The following DOCK4 variants were observed in gnomAD, a reference collection of about 807,000 sequenced individuals.
The protein encoded by DOCK4 is dedicator of cytokinesis protein 4.
DOCK4 carries 97 observed loss-of-function variants against 268.1 expected under a neutral mutation model. That is an observed-to-expected ratio of 0.36 (90% confidence interval 0.31 to 0.43). The LOEUF (loss-of-function observed/expected upper bound fraction) is 0.43. DOCK4 is among the 20% of genes least tolerant of loss of function. The probability of loss-of-function intolerance (pLI) is 1.00; values close to 1 mark genes in which losing one functional copy is unlikely to be tolerated. For missense variants in DOCK4, 2,145 were observed against 2,455.7 expected, an observed-to-expected ratio of 0.87 and a Z score of 2.67; for synonymous variants, 954 against 887.2, an observed-to-expected ratio of 1.08 and a Z score of -1.34.
chr7:111,747,569 G>C, intron 42 of DOCK4, 126 bp from the exon 43 acceptor site: 1 of 904,360 alleles, frequency 1.1e-6, no homozygotes, highest in South Asian at 1.8e-5. Flanking sequence ...TCTACCAGGG[G>C]CCATTCCGTA....
chr7:111,761,198 G>A (rs1457714185), intron 39 of DOCK4, among the ~76,000 whole-genome samples: 1 of 151,864 alleles, frequency 6.6e-6, no homozygotes, highest in Non-Finnish European at 1.5e-5. Flanking sequence ...TAGCTAGAAT[G>A]ACAGGTGTGC....
In DOCK4 at chr7:112,171,151, C is replaced by T. The variant is rs889843327; in HGVS notation, c.37+34951G>A. 4.6e-5 allele frequency among the ~76,000 whole-genome samples: 7 copies of T among 152,180 alleles called. No homozygotes were observed. The East Asian group carries it at 5.8e-4, about 13-fold the overall frequency. On this transcript the variant is annotated intron_variant, in intron 1 of 52. Transcript: ENST00000428084. ...TCAAAGCTTAAATATTTCAGCATCACGCTTCAATAGCTTAAGCTTCCACAT... is the reference window on the plus strand; with the variant it reads ...TCAAAGCTTAAATATTTCAGCATCATGCTTCAATAGCTTAAGCTTCCACAT...
At chr7:112,151,961 TA>T (rs57613263) in intron 1 of DOCK4, among the ~76,000 whole-genome samples, 12,447 of 131,124 alleles carry the variant, frequency 0.095, 1,390 homozygotes, top group African/African-American at 0.28. Flanking sequence ...AAACTGTTAT[TA>T]AAAAAAAAAA....
chr7:112,117,368 TTTC>T (rs140789071), intron 1 of DOCK4, among the ~76,000 whole-genome samples: 47,736 of 152,012 alleles, frequency 0.31, 7,744 homozygotes, highest in East Asian at 0.55. Context: ...CTTTTCTTTC[TTTC>T]TTTTTCTTTT....
intron 1 of DOCK4, among the ~76,000 whole-genome samples, chr7:112,115,680 G>A (rs1378184209): frequency 7.2e-6 from 1 of 139,606 alleles, no homozygotes; most frequent in East Asian, 2.3e-4. Flanking sequence ...CATCATCTAT[G>A]TAATCTATTT....
chr7:112,181,639 C>CAAAAAAAAAA (rs55807955), intron 1 of DOCK4, among the ~76,000 whole-genome samples: 668 of 65,322 alleles, frequency 0.01, 71 homozygotes, highest in Middle Eastern at 0.038. Flanking sequence ...GACACTGTCT[C>CAAAAAAAAAA]AAAAAAAAAA....
At chr7:111,908,201 C>G (rs955790310) in intron 13 of DOCK4, among the ~76,000 whole-genome samples, 2 of 152,116 alleles carry the variant, frequency 1.3e-5, no homozygotes, top group African/African-American at 4.8e-5. Flanking sequence ...GTAATCCCAG[C>G]ACTTTGGGAG....
In DOCK4 at chr7:111,877,022, T is replaced by C; in HGVS notation, c.1744+8A>G. On this transcript the variant is annotated splice_region_variant and intron_variant, in intron 17 of 52. Coordinates refer to ENST00000428084, the MANE Select transcript of DOCK4 (RefSeq NM_001363540.2). ...ACTAGGGCTTTCAAATAAAACATTA[T>C]ACATTACCATTTTGTGTGAGTTTTG... The C allele has an allele frequency of 6.6e-7, 1 of 1,517,726 alleles. No homozygotes were observed. The highest frequency in any genetic ancestry group is 1.3e-5 in the South Asian group (1 of 75,358). The allele number at this position is 1,517,726 out of a possible 1,614,324, so 94.0% of individuals were successfully genotyped here.
At chr7:112,073,718 G>A (rs999371972) in intron 1 of DOCK4, among the ~76,000 whole-genome samples, 3 of 152,116 alleles carry the variant, frequency 2.0e-5, no homozygotes, top group Admixed American at 2.0e-4. Flanking sequence ...TGAACACATG[G>A]AAGTAGAGAG....
At chr7:111,847,208 C>A in intron 23 of DOCK4, 82 bp from the exon 24 acceptor site, 3 of 1,536,304 alleles carry the variant, frequency 2.0e-6, no homozygotes, top group Non-Finnish European at 2.6e-6. Flanking sequence ...ACTTTTAATT[C>A]AATTTTGGTT....
intron 44 of DOCK4, among the ~76,000 whole-genome samples, chr7:111,743,878 G>A (rs1796096388): frequency 6.6e-6 from 1 of 152,172 alleles, no homozygotes; most frequent in African/African-American, 2.4e-5. Context: ...GGAATGCAGT[G>A]GTGTGATCAT....
chr7:112,024,798 GT>G (rs1331412230), intron 1 of DOCK4, among the ~76,000 whole-genome samples: 1 of 152,098 alleles, frequency 6.6e-6, no homozygotes, highest in African/African-American at 2.4e-5. Context: ...ACAGACATTC[GT>G]TATTTTTAAA....
intron 13 of DOCK4, among the ~76,000 whole-genome samples, chr7:111,913,278 A>T (rs1050995333): frequency 6.6e-6 from 1 of 150,970 alleles, no homozygotes; most frequent in Admixed American, 6.6e-5. Flanking sequence ...TCCTTTTAAC[A>T]TTGGAGGTGG....
At chr7:111,904,086 C>A (rs573109186) in intron 13 of DOCK4, among the ~76,000 whole-genome samples, 1 of 152,196 alleles carries the variant, frequency 6.6e-6, no homozygotes, top group Admixed American at 6.5e-5. Context: ...CAGACTCCAG[C>A]AAAGGCAAGA....
chr7:112,046,410 A>T, intron 1 of DOCK4, among the ~76,000 whole-genome samples: 1 of 152,232 alleles, frequency 6.6e-6, no homozygotes, highest in East Asian at 1.9e-4. Context: ...GTAATAAAAA[A>T]GTAAAAACCA....
At chr7:112,201,574 G>C (rs369622771) in intron 1 of DOCK4, among the ~76,000 whole-genome samples, 1 of 150,202 alleles carries the variant, frequency 6.7e-6, no homozygotes, top group East Asian at 2.0e-4. Context: ...ATAAAAGCCT[G>C]TTGGACAAAT....
At chr7:111,933,425 G>A (rs984382128) in intron 12 of DOCK4, among the ~76,000 whole-genome samples, 1 of 151,014 alleles carries the variant, frequency 6.6e-6, no homozygotes. Context: ...CTCCGGAGTA[G>A]CTGGGATTAC....
At chr7:111,793,083 T>C (rs978398879) in intron 30 of DOCK4, among the ~76,000 whole-genome samples, 2 of 152,242 alleles carry the variant, frequency 1.3e-5, no homozygotes, top group African/African-American at 2.4e-5. Context: ...CAAGAAGAGT[T>C]GTTTGATTAA....
chr7:112,066,978 C>CCACA lies in DOCK4; in HGVS notation c.38-62851_38-62848dup, dbSNP rs370463602. On this transcript the variant is annotated intron_variant, in intron 1 of 52. Transcript: ENST00000428084. ...TGGGCAATATGGCAAAACCCCGTCT[C>CCACA]CACACACACACACACACAAAAAAAC... is the stretch of plus-strand genomic sequence containing the variant. Among the ~76,000 whole-genome samples the CCACA allele has an allele frequency of 6.8e-4, 100 of 147,460 alleles. 1 individual carries two copies. The South Asian group carries it at 0.011, about 17-fold the overall frequency.
Sources: gnomAD v4.1 joint callset for allele counts (sites outside exome capture counted in the v4.1 genomes callset) on GRCh38, gnomAD v4.1.1 for gene constraint, MANE v1.5 for transcripts, NCBI Gene and HGNC (gene_info 2026-07-23, HGNC 2026-07-21) for gene names.